Variants in SLCO3A1 observed in about 807,000 individuals in gnomAD.
SLCO3A1 encodes the protein PGE1 transporter.
SLCO3A1 carries 27 observed loss-of-function variants against 63.1 expected under a neutral mutation model. The observed-to-expected ratio is 0.43, with a 90% CI of 0.32 to 0.59. The LOEUF (loss-of-function observed/expected upper bound fraction) is 0.59, where lower values mean the gene tolerates loss of function less well. Among genes scored for constraint, SLCO3A1 ranks in the 20% least tolerant of loss-of-function variants. The pLI, the probability that SLCO3A1 is intolerant of heterozygous loss-of-function variation, is 0.09. For synonymous variants in SLCO3A1, 473 were observed against 409.9 expected (o/e 1.15, Z -1.86); for missense variants, 773 against 945.8 (o/e 0.82, Z 2.40).
chr15:92,147,039 T>C lies in SLCO3A1; in HGVS notation c.1568T>C (p.Val523Ala), dbSNP rs758574150. 4 of 1,614,104 alleles carry C rather than the reference T, an allele frequency of 2.5e-6. No individual in the cohort carries two copies. The South Asian group carries it at 4.4e-5, about 18-fold the overall frequency. Residue 523 changes from valine (V) to alanine (A), a missense_variant, in exon 8 of 10, where the codon GTT becomes GCT. Physicochemically the swap from Val to Ala is moderately conservative, Grantham distance 64. Coordinates refer to ENST00000318445, the MANE Select transcript of SLCO3A1 (RefSeq NM_013272.4). ...GTCCCTGCTGAGAACGCAACCGTGG[T>C]TCCTGGAAAATGCCCCAGTCCTGGG... ...TTVPAENATV[V>A]PGKCPSPGCQ...
intron 7 of SLCO3A1, among the ~76,000 whole-genome samples, chr15:92,130,371 T>C (rs1165336010): frequency 6.6e-6 from 1 of 152,214 alleles, no homozygotes; most frequent in Non-Finnish European, 1.5e-5. Context: ...ACTCGAGGCC[T>C]CACATTGTCT....
Position 91,946,310 on chromosome 15 carries a change from A to G in SLCO3A1, c.646+29852A>G, listed in dbSNP as rs376264315. Among the ~76,000 whole-genome samples, 279 of 151,882 alleles carry G rather than the reference A, an allele frequency of 1.8e-3. 1 individual carries two copies. Among genetic ancestry groups the G allele is most frequent in the African/African-American group, 6.5e-3 (271 of 41,414 alleles). ...TGCACGTCTTTGATTTTTAACCTAC[A>G]CTCTCACCAGTGAGATCAGCCCTGG... On this transcript the variant is annotated intron_variant, in intron 2 of 9. Transcript: ENST00000318445.
intron 2 of SLCO3A1, among the ~76,000 whole-genome samples, chr15:92,001,896 C>T (rs1194484040): frequency 3.1e-5 from 4 of 131,076 alleles, no homozygotes; most frequent in East Asian, 2.3e-4. Flanking sequence ...AGTGCAGTGG[C>T]GTGATCTCTG....
At chr15:91,982,744 TG>T (rs1168809761) in intron 2 of SLCO3A1, among the ~76,000 whole-genome samples, 1 of 152,250 alleles carries the variant, frequency 6.6e-6, no homozygotes, top group African/African-American at 2.4e-5. Context: ...CAGGCTAAGA[TG>T]GGTGGGAGGA....
At chr15:91,880,397 C>CTGTGTGTGTGTGTGTGTGTGTG (rs747889224) in intron 1 of SLCO3A1, among the ~76,000 whole-genome samples, 21 of 94,212 alleles carry the variant, frequency 2.2e-4, no homozygotes, top group African/African-American at 7.1e-4. Context: ...CTCTCTCTCT[C>CTGTGTGTGTGTGTGTGTGTGTG]TCTCTCTCTC....
intron 9 of SLCO3A1, among the ~76,000 whole-genome samples, chr15:92,158,596 T>C (rs533700888): frequency 9.9e-5 from 15 of 152,230 alleles, no homozygotes; most frequent in Admixed American, 2.0e-4. Context: ...CCCATTTGTC[T>C]ATGGGGAACC....
intron 2 of SLCO3A1, among the ~76,000 whole-genome samples, chr15:91,989,715 T>C (rs567569155): frequency 6.6e-6 from 1 of 152,348 alleles, no homozygotes; most frequent in African/African-American, 2.4e-5. Context: ...AAGTATTATT[T>C]AGCTACTAAT....
At chr15:91,895,583 T>G (rs1883750074) in intron 1 of SLCO3A1, among the ~76,000 whole-genome samples, 1 of 152,236 alleles carries the variant, frequency 6.6e-6, no homozygotes, top group Admixed American at 6.5e-5. Context: ...GGGAGAAAAT[T>G]ACTGTGACTA....
At chr15:91,936,280 A>T (rs74028379) in intron 2 of SLCO3A1, among the ~76,000 whole-genome samples, 3,678 of 152,342 alleles carry the variant, frequency 0.024, 146 homozygotes, top group African/African-American at 0.084. Flanking sequence ...GATTTAAGCT[A>T]TAGGAGGTTT....
chr15:92,136,805 T>C (rs941775207), intron 7 of SLCO3A1, among the ~76,000 whole-genome samples: 42 of 151,786 alleles, frequency 2.8e-4, no homozygotes, highest in Non-Finnish European at 7.4e-5. Flanking sequence ...TCCTTCTGGA[T>C]TTTTTACTGC....
At chr15:92,006,674 G>A (rs1006012453) in intron 2 of SLCO3A1, among the ~76,000 whole-genome samples, 12 of 152,156 alleles carry the variant, frequency 7.9e-5, no homozygotes, top group African/African-American at 2.9e-4. Context: ...AATGACTGCC[G>A]TTATTGTTAA....
At chr15:91,998,675 T>A (rs901804939) in intron 2 of SLCO3A1, among the ~76,000 whole-genome samples, 3 of 152,214 alleles carry the variant, frequency 2.0e-5, no homozygotes, top group African/African-American at 7.2e-5. Context: ...AAGGGAATGC[T>A]TATACACTGT....
At chr15:91,998,287 G>C (rs1338545911) in intron 2 of SLCO3A1, among the ~76,000 whole-genome samples, 4 of 151,926 alleles carry the variant, frequency 2.6e-5, no homozygotes, top group African/African-American at 9.7e-5. Context: ...AATCCCATCT[G>C]TACTAAAAAT....
At chr15:91,938,004 T>C (rs1284289834) in intron 2 of SLCO3A1, among the ~76,000 whole-genome samples, 1 of 152,162 alleles carries the variant, frequency 6.6e-6, no homozygotes, top group Non-Finnish European at 1.5e-5. Flanking sequence ...GGTGAAACAT[T>C]CAGATTCCCA....
At chr15:92,116,378 G>T (rs1207681884) in intron 4 of SLCO3A1, among the ~76,000 whole-genome samples, 2 of 152,166 alleles carry the variant, frequency 1.3e-5, no homozygotes, top group African/African-American at 4.8e-5. Context: ...CTCTCCTGCC[G>T]CTCTTTCCAC....
rs1022608407 is a variant in SLCO3A1, at chr15:91,911,112, G to A, written c.181-4881G>A. 2.0e-5 allele frequency among the ~76,000 whole-genome samples: 3 copies of A among 152,170 alleles called. No homozygotes were observed. In the East Asian group the frequency reaches 5.8e-4, roughly 29 times the overall value. On this transcript the variant is annotated intron_variant, in intron 1 of 9. Transcript: ENST00000318445. The stretch of plus-strand genomic sequence containing the variant: ...ACATAGACTGAAGCTCTCCCTTTTG[G>A]GCTAAGTGCTGATAGTTTCAGTTGG...
chr15:92,042,501 A>G (rs979344057), intron 2 of SLCO3A1, among the ~76,000 whole-genome samples: 26 of 152,160 alleles, frequency 1.7e-4, no homozygotes, highest in Non-Finnish European at 1.2e-4. Context: ...ACTTAAGAGC[A>G]TTGTGACAGG....
chr15:92,011,439 A>G (rs1364417973), intron 2 of SLCO3A1, among the ~76,000 whole-genome samples: 1 of 152,248 alleles, frequency 6.6e-6, no homozygotes, highest in Non-Finnish European at 1.5e-5. Flanking sequence ...GAAACATCAC[A>G]TTGTACTCCA....
At chr15:91,902,208 A>C (rs1481060344) in intron 1 of SLCO3A1, among the ~76,000 whole-genome samples, 1 of 151,890 alleles carries the variant, frequency 6.6e-6, no homozygotes. Context: ...CTCTTTTTTT[A>C]AGAGACAAGA....
Sources: gnomAD v4.1 joint callset for allele counts (sites outside exome capture counted in the v4.1 genomes callset) on GRCh38, gnomAD v4.1.1 for gene constraint, MANE v1.5 for transcripts, NCBI Gene and HGNC (gene_info 2026-07-23, HGNC 2026-07-21) for gene names.